VRK2: variants seen among roughly 807,000 people sequenced by gnomAD.
The protein encoded by VRK2 is serine/threonine-protein kinase VRK2.
In VRK2, 60 loss-of-function variants were observed where a neutral mutation model predicts 57.6. That is an observed-to-expected ratio of 1.04 (90% CI 0.85 to 1.29). VRK2 has a LOEUF of 1.29. Ranked by LOEUF, VRK2 falls within the 50% of genes most tolerant of loss-of-function variation. VRK2 has a pLI of 0.00. For missense variants in VRK2, 705 were observed against 588.1 expected (o/e 1.20, Z -2.06); for synonymous variants, 231 against 199.2 (o/e 1.16, Z -1.35).
chr2:57,947,512 C>T (rs1671298416), intron 1 of VRK2, among the ~76,000 whole-genome samples: 2 of 152,156 alleles, frequency 1.3e-5, no homozygotes, highest in African/African-American at 4.8e-5. Context: ...CATGGCAGAC[C>T]ACTGGCAGTG....
At chr2:57,984,984 T>A (rs529545565) in intron 1 of VRK2, among the ~76,000 whole-genome samples, 12 of 151,972 alleles carry the variant, frequency 7.9e-5, no homozygotes, top group African/African-American at 2.9e-4. Flanking sequence ...AAAAATGTTA[T>A]GAGGGGGATT....
chr2:58,116,320 C>G (rs12473245), intron 7 of VRK2, among the ~76,000 whole-genome samples: 61,967 of 147,460 alleles, frequency 0.42, 17,420 homozygotes, highest in African/African-American at 0.82. Context: ...TTGGGAAGAA[C>G]GGCAGCAATG....
chr2:58,055,635 A>G (rs965897045), intron 2 of VRK2, among the ~76,000 whole-genome samples: 2 of 152,206 alleles, frequency 1.3e-5, no homozygotes, highest in African/African-American at 4.8e-5. Flanking sequence ...TCAAAGCCAG[A>G]TCTTCAACCT....
chr2:58,020,206 C>T (rs1673708023), intron 1 of VRK2, among the ~76,000 whole-genome samples: 1 of 152,120 alleles, frequency 6.6e-6, no homozygotes, highest in South Asian at 2.1e-4. Flanking sequence ...AAACAATTGC[C>T]AAGATAAACT....
intron 1 of VRK2, among the ~76,000 whole-genome samples, chr2:57,913,110 A>G (rs527947499): frequency 6.6e-6 from 1 of 152,266 alleles, no homozygotes; most frequent in East Asian, 1.9e-4. Flanking sequence ...ACGGTCTATG[A>G]TATTTTTGTT....
chr2:58,005,082 C>T (rs73942274), intron 1 of VRK2, among the ~76,000 whole-genome samples: 2,496 of 152,166 alleles, frequency 0.016, 58 homozygotes, highest in African/African-American at 0.058. Context: ...AGAAGGCTTG[C>T]AATTTTAATT....
At chr2:57,995,953 A>G (rs1672910436) in intron 1 of VRK2, among the ~76,000 whole-genome samples, 1 of 152,206 alleles carries the variant, frequency 6.6e-6, no homozygotes, top group Admixed American at 6.5e-5. Flanking sequence ...GCATCACAAG[A>G]TTTCAACCAA....
intron 6 of VRK2, among the ~76,000 whole-genome samples, chr2:58,088,653 A>G (rs931267954): frequency 7.9e-5 from 12 of 152,222 alleles, no homozygotes; most frequent in Admixed American, 2.0e-4. Flanking sequence ...TGCAAACTCA[A>G]TTAGGCTTTG....
intron 1 of VRK2, among the ~76,000 whole-genome samples, chr2:57,963,974 T>C (rs1671836102): frequency 1.3e-5 from 2 of 152,218 alleles, no homozygotes; most frequent in African/African-American, 4.8e-5. Flanking sequence ...AATAGCCGCC[T>C]CTATCTTTCT....
intron 8 of VRK2, 115 bp from the exon 9 acceptor site, chr2:58,131,693 C>A: frequency 7.9e-7 from 1 of 1,259,074 alleles, no homozygotes; most frequent in Non-Finnish European, 1.1e-6. Context: ...ACAAATAAAA[C>A]ATTTTGCCTA....
intron 1 of VRK2, among the ~76,000 whole-genome samples, chr2:57,930,857 G>A (rs1670700210): frequency 6.6e-6 from 1 of 152,066 alleles, no homozygotes; most frequent in Non-Finnish European, 1.5e-5. Flanking sequence ...GTCGTTCTGT[G>A]TCTGGCTTAT....
At chr2:57,917,877 T>G (rs1398042253) in intron 1 of VRK2, among the ~76,000 whole-genome samples, 1 of 152,088 alleles carries the variant, frequency 6.6e-6, no homozygotes, top group Admixed American at 6.6e-5. Flanking sequence ...AAGTCACACA[T>G]GAAAAATAAT....
rs1025740215 is a variant in VRK2 at position 58,085,720 on chromosome 2, T to C, written c.257-619T>C. On this transcript the variant is annotated intron_variant, in intron 4 of 12. Transcript: ENST00000340157. ...ATCTTTACTAATTGCTTAAACTATG[T>C]CACAGTGACAAATAGAATCCATTAA... Among the ~76,000 whole-genome samples, 2 of 151,916 alleles carry C rather than the reference T, an allele frequency of 1.3e-5. 1 individual carries two copies. Among genetic ancestry groups the C allele is most frequent in the African/African-American group, 4.8e-5 (2 of 41,432 alleles).
chr2:58,001,465 G>A (rs990349600), intron 1 of VRK2, among the ~76,000 whole-genome samples: 1 of 152,112 alleles, frequency 6.6e-6, no homozygotes, highest in African/African-American at 2.4e-5. Context: ...AATGTACTTT[G>A]TTTCATGTAA....
At chr2:57,946,950 T>G (rs1231208108) in intron 1 of VRK2, among the ~76,000 whole-genome samples, 1 of 152,136 alleles carries the variant, frequency 6.6e-6, no homozygotes, top group Admixed American at 6.5e-5. Context: ...CATGAAGAAG[T>G]CTTCAGGAAG....
chr2:58,131,377 CAG>C (rs2104537692), intron 8 of VRK2, among the ~76,000 whole-genome samples: 2 of 151,650 alleles, frequency 1.3e-5, no homozygotes, highest in East Asian at 3.9e-4. Context: ...AGTCTGCACT[CAG>C]AGGGTCTCTG....
intron 1 of VRK2, among the ~76,000 whole-genome samples, chr2:57,972,549 T>C (rs1048212225): frequency 6.6e-6 from 1 of 151,940 alleles, no homozygotes; most frequent in Non-Finnish European, 1.5e-5. Context: ...TTAAAATCTC[T>C]TGGAGTGATT....
chr2:57,927,315 C>T (rs1293099362), intron 1 of VRK2, among the ~76,000 whole-genome samples: 1 of 145,490 alleles, frequency 6.9e-6, no homozygotes, highest in African/African-American at 2.5e-5. Context: ...CTCGCTCTAT[C>T]GCCCAGGCTG....
At chr2:58,069,858 G>C (rs1031803057) in intron 2 of VRK2, among the ~76,000 whole-genome samples, 4 of 152,128 alleles carry the variant, frequency 2.6e-5, no homozygotes, top group African/African-American at 9.7e-5. Context: ...AACTTTCAAG[G>C]TTTGGGCTTC....
Sources: allele counts gnomAD v4.1 joint callset (sites outside exome capture counted in the v4.1 genomes callset), GRCh38; gene constraint gnomAD v4.1.1; transcripts MANE v1.5; gene names NCBI Gene and HGNC (gene_info 2026-07-23, HGNC 2026-07-21).